The following MDGA2 variants were observed in gnomAD, a reference collection of about 807,000 sequenced individuals.
The protein encoded by MDGA2 is MAM domain-containing glycosylphosphatidylinositol anchor protein 2.
Under a neutral mutation model 117.8 loss-of-function variants are expected in MDGA2, and 40 were observed. The observed-to-expected ratio is 0.34, with a 90% CI of 0.26 to 0.44. The LOEUF (loss-of-function observed/expected upper bound fraction) is 0.44, where lower values mean the gene tolerates loss of function less well. Among genes scored for constraint, MDGA2 ranks in the 20% least tolerant of loss-of-function variants. The pLI is 1.00. For missense variants in MDGA2, 1,123 were observed against 1,250.6 expected (o/e 0.90, Z 1.54); for synonymous variants, 452 against 439.0 (o/e 1.03, Z -0.37).
At chr14:47,405,539 GA>G (rs1892243619) in intron 1 of MDGA2, among the ~76,000 whole-genome samples, 1 of 152,052 alleles carries the variant, frequency 6.6e-6, no homozygotes, top group Non-Finnish European at 1.5e-5. Context: ...CTCGCTGGTG[GA>G]AAAAAATGAA....
At chr14:47,634,223 G>C (rs1897285863) in intron 1 of MDGA2, among the ~76,000 whole-genome samples, 1 of 152,044 alleles carries the variant, frequency 6.6e-6, no homozygotes, top group Non-Finnish European at 1.5e-5. Context: ...AATCTATCTA[G>C]ATTCAAAATG....
intron 8 of MDGA2, among the ~76,000 whole-genome samples, chr14:47,020,162 A>G (rs546124323): frequency 2.6e-5 from 4 of 152,166 alleles, no homozygotes; most frequent in South Asian, 4.1e-4. Flanking sequence ...TTTTCCAACT[A>G]TGGGAACCGC....
intron 1 of MDGA2, among the ~76,000 whole-genome samples, chr14:47,305,628 C>T (rs1889418101): frequency 6.6e-6 from 1 of 152,064 alleles, no homozygotes; most frequent in Non-Finnish European, 1.5e-5. Context: ...ATCCTTTCAC[C>T]TCATATATAG....
intron 7 of MDGA2, among the ~76,000 whole-genome samples, chr14:47,053,187 A>G (rs1368088090): frequency 6.6e-6 from 1 of 151,866 alleles, no homozygotes; most frequent in East Asian, 1.9e-4. Flanking sequence ...TTGATCAGTC[A>G]TTCTCATTTG....
chr14:47,389,576 C>A (rs9323136), intron 1 of MDGA2, among the ~76,000 whole-genome samples: 27,694 of 150,188 alleles, frequency 0.18, 2,689 homozygotes, highest in Admixed American at 0.26. Flanking sequence ...TGTCAATTAC[C>A]CTTTTGCAGG....
intron 1 of MDGA2, among the ~76,000 whole-genome samples, chr14:47,383,975 T>G (rs1414472936): frequency 7.8e-6 from 1 of 128,314 alleles, no homozygotes; most frequent in East Asian, 2.3e-4. Flanking sequence ...TAGAGTTAAA[T>G]AGATAGATGA....
chr14:47,509,008 T>C (rs1894581825), intron 1 of MDGA2, among the ~76,000 whole-genome samples: 1 of 152,142 alleles, frequency 6.6e-6, no homozygotes, highest in East Asian at 1.9e-4. Context: ...CACCTTCTTA[T>C]GAGAATATAG....
chr14:47,233,398 C>T (rs759135476), intron 2 of MDGA2, among the ~76,000 whole-genome samples: 1 of 151,854 alleles, frequency 6.6e-6, no homozygotes, highest in Non-Finnish European at 1.5e-5. Context: ...AAGATTTGGT[C>T]GTCTCTCCTT....
chr14:47,319,394 T>C (rs1158819032), intron 1 of MDGA2, among the ~76,000 whole-genome samples: 4 of 152,196 alleles, frequency 2.6e-5, no homozygotes, highest in Admixed American at 1.3e-4. Context: ...AAATTGTTTT[T>C]ACCCATTTCT....
intron 1 of MDGA2, among the ~76,000 whole-genome samples, chr14:47,351,207 G>T (rs1435202723): frequency 6.6e-6 from 1 of 151,440 alleles, no homozygotes; most frequent in Non-Finnish European, 1.5e-5. Flanking sequence ...TCAGCCTCCC[G>T]AGTAGCTGGG....
At chr14:47,527,368 G>C (rs146366269) in intron 1 of MDGA2, among the ~76,000 whole-genome samples, 5 of 152,232 alleles carry the variant, frequency 3.3e-5, no homozygotes, top group African/African-American at 1.2e-4. Flanking sequence ...TTTTATAGAT[G>C]GATTCTTGGA....
Position 47,212,790 on chromosome 14 carries a change from T to A in MDGA2, c.595+5231A>T, listed in dbSNP as rs182878857. 2.6e-5 allele frequency among the ~76,000 whole-genome samples: 4 copies of A among 152,314 alleles called. No homozygotes were observed. In the East Asian group the frequency reaches 7.7e-4, roughly 29 times the overall value. On this transcript the variant is annotated intron_variant, in intron 3 of 16. Coordinates refer to ENST00000399232, the MANE Select transcript of MDGA2 (RefSeq NM_001113498.3). ...TATTTGGATTACATTTCATTTCATATAGCTTTTTACATTCCCTTAATAACT... is the reference window on the plus strand; with the variant it reads ...TATTTGGATTACATTTCATTTCATAAAGCTTTTTACATTCCCTTAATAACT...
chr14:47,350,976 A>G (rs1594811600), intron 1 of MDGA2, among the ~76,000 whole-genome samples: 1 of 152,168 alleles, frequency 6.6e-6, no homozygotes. Context: ...CAATGGCACA[A>G]TCTCGGCTCA....
intron 8 of MDGA2, among the ~76,000 whole-genome samples, chr14:46,999,366 T>C (rs1594511698): frequency 6.6e-6 from 1 of 152,056 alleles, no homozygotes; most frequent in Admixed American, 6.6e-5. Flanking sequence ...TATTGATTGG[T>C]TTTTAAATTA....
At chr14:47,210,701 C>T (rs1341454797) in intron 3 of MDGA2, among the ~76,000 whole-genome samples, 1 of 152,114 alleles carries the variant, frequency 6.6e-6, no homozygotes, top group Non-Finnish European at 1.5e-5. Context: ...TGACCCTCAT[C>T]AGTAGTTCTG....
intron 1 of MDGA2, among the ~76,000 whole-genome samples, chr14:47,671,580 T>C (rs1183592047): frequency 2.6e-5 from 4 of 152,198 alleles, no homozygotes; most frequent in African/African-American, 9.6e-5. Context: ...TGAACCATGA[T>C]ACTAGAAAAC....
chr14:46,900,909 A>G (rs1299111062), intron 10 of MDGA2, among the ~76,000 whole-genome samples: 1 of 152,142 alleles, frequency 6.6e-6, no homozygotes, highest in Non-Finnish European at 1.5e-5. Flanking sequence ...GTGTTTGTGT[A>G]GGATTCTGGC....
At chr14:47,638,638 A>G (rs1004878752) in intron 1 of MDGA2, among the ~76,000 whole-genome samples, 1 of 152,096 alleles carries the variant, frequency 6.6e-6, no homozygotes, top group African/African-American at 2.4e-5. Flanking sequence ...TTAAGCCTCT[A>G]CTTTCAAAAT....
chr14:47,395,196 A>T (rs1891981675), intron 1 of MDGA2, among the ~76,000 whole-genome samples: 1 of 51,718 alleles, frequency 1.9e-5, no homozygotes, highest in African/African-American at 7.0e-5. Flanking sequence ...ATACGCTTAG[A>T]TTTTCAAATA....
Sources: allele counts gnomAD v4.1 joint callset (sites outside exome capture counted in the v4.1 genomes callset), GRCh38; gene constraint gnomAD v4.1.1; transcripts MANE v1.5; gene names NCBI Gene and HGNC (gene_info 2026-07-23, HGNC 2026-07-21).